Variants in B3GALT1 observed in about 807,000 individuals in gnomAD.
B3GALT1 encodes the protein UDP-Gal:betaGlcNAc beta 1,3-galactosyltransferase, polypeptide 1.
A neutral mutation model predicts 23.2 loss-of-function variants in B3GALT1; 10 were observed. That is an observed-to-expected ratio of 0.43 (90% CI 0.27 to 0.73). B3GALT1 has a LOEUF of 0.73. Among genes scored for constraint, B3GALT1 ranks in the 30% least tolerant of loss-of-function variants. The pLI is 0.21. For missense variants in B3GALT1, 299 were observed against 405.4 expected (o/e 0.74, Z 2.25); for synonymous variants, 156 against 141.5 (o/e 1.10, Z -0.73).
intron 3 of B3GALT1, among the ~76,000 whole-genome samples, chr2:167,737,179 T>G (rs1687507112): frequency 6.6e-6 from 1 of 152,238 alleles, no homozygotes; most frequent in African/African-American, 2.4e-5. Context: ...TTACATTCAT[T>G]GAATATTCGC....
intron 3 of B3GALT1, among the ~76,000 whole-genome samples, chr2:167,813,551 C>A (rs68010813): frequency 0.025 from 3,809 of 152,224 alleles, 74 homozygotes; most frequent in South Asian, 0.069. Context: ...GATTGCCTAA[C>A]TAACTGATGT....
chr2:167,421,286 G>A (rs1426752026), intron 1 of B3GALT1, among the ~76,000 whole-genome samples: 1 of 152,100 alleles, frequency 6.6e-6, no homozygotes, highest in Non-Finnish European at 1.5e-5. Flanking sequence ...GTGGATATTG[G>A]CTGCCACATC....
intron 3 of B3GALT1, among the ~76,000 whole-genome samples, chr2:167,713,076 C>A (rs149533140): frequency 2.0e-5 from 3 of 152,244 alleles, no homozygotes; most frequent in African/African-American, 7.2e-5. Flanking sequence ...CCCTTCTGAG[C>A]AGAATAGACA....
intron 3 of B3GALT1, among the ~76,000 whole-genome samples, chr2:167,659,177 G>A (rs1686013140): frequency 6.6e-6 from 1 of 151,156 alleles, no homozygotes; most frequent in African/African-American, 2.4e-5. Context: ...CTGAACAGTT[G>A]ACATTATGAA....
At chr2:167,707,376 A>C (rs1245699940) in intron 3 of B3GALT1, among the ~76,000 whole-genome samples, 1 of 152,206 alleles carries the variant, frequency 6.6e-6, no homozygotes. Context: ...TGGTGGTTTA[A>C]AACAACACAA....
chr2:167,842,189 G>A (rs1283452661), intron 4 of B3GALT1, among the ~76,000 whole-genome samples: 4 of 152,164 alleles, frequency 2.6e-5, no homozygotes, highest in African/African-American at 9.7e-5. Context: ...AGAAACACAT[G>A]AGGTCTCTCC....
intron 4 of B3GALT1, among the ~76,000 whole-genome samples, chr2:167,829,845 G>A (rs1434627503): frequency 6.6e-6 from 1 of 152,174 alleles, no homozygotes; most frequent in African/African-American, 2.4e-5. Context: ...AGCCATAGCA[G>A]GGCGAGTGCT....
chr2:167,318,134 C>T (rs1225278132), intron 1 of B3GALT1, among the ~76,000 whole-genome samples: 5 of 151,938 alleles, frequency 3.3e-5, no homozygotes, highest in African/African-American at 1.2e-4. Flanking sequence ...CAAGACCAGC[C>T]TTGCCAAGGT....
intron 3 of B3GALT1, among the ~76,000 whole-genome samples, chr2:167,693,957 G>T (rs968935343): frequency 6.6e-6 from 1 of 152,090 alleles, no homozygotes; most frequent in African/African-American, 2.4e-5. Flanking sequence ...GTGTGCCGTT[G>T]TCTGGGGTTC....
intron 1 of B3GALT1, among the ~76,000 whole-genome samples, chr2:167,330,257 C>G (rs938473606): frequency 6.6e-6 from 1 of 151,166 alleles, no homozygotes; most frequent in Admixed American, 6.6e-5. Context: ...TTTAACAGAC[C>G]TCTGTTCATG....
chr2:167,858,446 T>C (rs1162400246), intron 4 of B3GALT1, among the ~76,000 whole-genome samples: 1 of 152,124 alleles, frequency 6.6e-6, no homozygotes. Context: ...TCTGAATTTG[T>C]CTTTATTTGT....
At chr2:167,306,842 G>A (rs1196358566) in intron 1 of B3GALT1, among the ~76,000 whole-genome samples, 2 of 151,926 alleles carry the variant, frequency 1.3e-5, no homozygotes, top group Non-Finnish European at 2.9e-5. Flanking sequence ...TGCTCAGTAA[G>A]CACTTATGCT....
chr2:167,727,525 T>C (rs949039491), intron 3 of B3GALT1, among the ~76,000 whole-genome samples: 1 of 152,150 alleles, frequency 6.6e-6, no homozygotes, highest in African/African-American at 2.4e-5. Context: ...GCAAAACCCA[T>C]TCACCACATT....
At chr2:167,500,633 A>C (rs1242287370) in intron 2 of B3GALT1, among the ~76,000 whole-genome samples, 1 of 117,140 alleles carries the variant, frequency 8.5e-6, no homozygotes, top group African/African-American at 3.8e-5. Flanking sequence ...TTGACTTATA[A>C]GGAAAAAAAA....
chr2:167,686,873 C>T (rs2029081), intron 3 of B3GALT1, among the ~76,000 whole-genome samples: 24,663 of 152,196 alleles, frequency 0.16, 2,498 homozygotes, highest in Non-Finnish European at 0.24. Context: ...CTGAGCAGCA[C>T]GTCAGGCCCT....
At chr2:167,519,231 G>T (rs762928547) in intron 2 of B3GALT1, among the ~76,000 whole-genome samples, 15 of 152,094 alleles carry the variant, frequency 9.9e-5, no homozygotes, top group Non-Finnish European at 1.5e-4. Context: ...AAATCACTTG[G>T]AATTGGCGGG....
rs558701644 is a variant in B3GALT1, at chr2:167,557,752, ATGTACTTTTC to A, written c.-410+67479_-410+67488del. On this transcript the variant is annotated intron_variant, in intron 2 of 4. Coordinates refer to ENST00000392690, the MANE Select transcript of B3GALT1 (RefSeq NM_020981.4). ...AACTCACCCAAAACAAATGAACATT[ATGTACTTTTC>A]TGTTCCACGTAAACAGACATCATTG... Among the ~76,000 whole-genome samples, 167 of 152,336 alleles carry A rather than the reference ATGTACTTTTC, an allele frequency of 1.1e-3. 1 individual carries two copies. Among genetic ancestry groups the A allele is most frequent in the African/African-American group, 3.7e-3 (152 of 41,580 alleles).
chr2:167,321,896 G>T (rs911316801), intron 1 of B3GALT1, among the ~76,000 whole-genome samples: 4 of 151,900 alleles, frequency 2.6e-5, no homozygotes, highest in Admixed American at 6.6e-5. Flanking sequence ...TTTTAATAAA[G>T]AGAATACCAA....
intron 2 of B3GALT1, among the ~76,000 whole-genome samples, chr2:167,505,614 G>C (rs1699906977): frequency 6.6e-6 from 1 of 152,246 alleles, no homozygotes; most frequent in Non-Finnish European, 1.5e-5. Context: ...AGTGTATGTG[G>C]AGTTTGAGCA....
Sources: allele counts gnomAD v4.1 joint callset (sites outside exome capture counted in the v4.1 genomes callset), GRCh38; gene constraint gnomAD v4.1.1; transcripts MANE v1.5; gene names NCBI Gene and HGNC (gene_info 2026-07-23, HGNC 2026-07-21).